The following TUFM variants were observed in gnomAD, a reference collection of about 807,000 sequenced individuals.
TUFM encodes the protein elongation factor Tu, mitochondrial.
A neutral mutation model predicts 45.0 loss-of-function variants in TUFM; 23 were observed. That is an observed-to-expected ratio of 0.51 (90% CI 0.37 to 0.72). The LOEUF (loss-of-function observed/expected upper bound fraction) is 0.72. Among genes scored for constraint, TUFM ranks in the 30% least tolerant of loss-of-function variants. TUFM has a pLI of 0.00. For synonymous variants in TUFM, 243 were observed against 252.9 expected, an observed-to-expected ratio of 0.96 and a Z score of 0.37; for missense variants, 490 against 610.7, an observed-to-expected ratio of 0.80 and a Z score of 2.08.
intron 9 of TUFM, 116 bp downstream of exon 9, chr16:28,843,620 C>T: frequency 6.8e-7 from 1 of 1,462,678 alleles, no homozygotes; most frequent in South Asian, 1.3e-5. Context: ...CAGCCCCTTT[C>T]CACCTAAGGA....
chr16:28,846,310 G>C lies in TUFM; in HGVS notation c.-41C>G, dbSNP rs769119127. The C allele has an allele frequency of 1.3e-6, 2 of 1,543,342 alleles. No homozygotes were observed. The highest frequency in any genetic ancestry group is 2.0e-5 in the Admixed American group (1 of 50,656). On this transcript the variant is annotated 5_prime_UTR_variant, in exon 1 of 10. Transcript: ENST00000313511. ...ACCGGGGAGCCGGGACCAGGAGCCC[G>C]AGCGCACAGAAGAAGAAGGGCGCCT... is the stretch of plus-strand genomic sequence containing the variant.
At chr16:28,845,862 C>G in intron 2 of TUFM, 50 bp downstream of exon 2, 1 of 1,606,812 alleles carries the variant, frequency 6.2e-7, no homozygotes, top group Non-Finnish European at 8.5e-7. Flanking sequence ...TCCCTGGCTC[C>G]AGGTCCCATC....
In TUFM at chr16:28,842,909, A is replaced by G. The variant is rs1596600928; in HGVS notation, c.*66T>C. ...GCCTATGCCATGAGAGGGTACTGGA[A>G]GCAGGAGGGAGCCCTGGCTAGGGCA... On this transcript the variant is annotated 3_prime_UTR_variant, in exon 10 of 10. Coordinates refer to ENST00000313511, the MANE Select transcript of TUFM (RefSeq NM_003321.5). 6.3e-7 allele frequency: 1 copy of G among 1,599,356 alleles called. No individual in the cohort carries two copies. The highest frequency in any genetic ancestry group is 1.7e-5 in the Admixed American group (1 of 60,002).
chr16:28,846,192 C>T (rs1477321156), intron 1 of TUFM, 26 bp downstream of exon 1: 1 of 1,586,312 alleles, frequency 6.3e-7, no homozygotes, highest in East Asian at 2.3e-5. Flanking sequence ...GTTCCTGGGC[C>T]GCCATCGCCC....
Position 28,843,058 on chromosome 16 carries a change from C to G in TUFM, c.1285G>C (p.Asp429His). Residue 429 changes from aspartate (D) to histidine (H), a missense_variant, in exon 10 of 10, where the codon GAT becomes CAT. Transcript: ENST00000313511. ...LEKGQRFTLRDGNRTIGTGLV... is the reference protein window; with the variant it reads ...LEKGQRFTLRHGNRTIGTGLV... Reference sequence around the variant, plus strand: ...CCGGTGCCAATAGTCCGGTTGCCATCTCGCAGGGTGAAACGCTGGCCTTTC... The same window carrying G: ...CCGGTGCCAATAGTCCGGTTGCCATGTCGCAGGGTGAAACGCTGGCCTTTC... 1 of 1,614,246 alleles carries G rather than the reference C, an allele frequency of 6.2e-7. No homozygotes were observed. Among genetic ancestry groups the G allele is most frequent in the Non-Finnish European group, 8.5e-7 (1 of 1,180,052 alleles).
Position 28,844,929 on chromosome 16 carries a change from T to A in TUFM, c.519+22A>T. 1.2e-6 allele frequency: 2 copies of A among 1,614,062 alleles called. No individual in the cohort carries two copies. The highest frequency in any genetic ancestry group is 1.7e-6 in the Non-Finnish European group (2 of 1,180,006). On this transcript the variant is annotated intron_variant, in intron 4 of 9. Transcript: ENST00000313511. This position sits in a 1 kb window ranked among gnomAD's most constrained non-coding sequence, Gnocchi z 5.8. ...CAACTCCCCACTCTTCCCTTTTGCA[T>A]CCTTACCCAGGCTCTGAGTACCTGT...
Position 28,844,946 on chromosome 16 carries a change from A to C in TUFM, c.519+5T>G, listed in dbSNP as rs1470583923. On this transcript the variant is annotated splice_donor_5th_base_variant and intron_variant, in intron 4 of 9. Coordinates refer to ENST00000313511, the MANE Select transcript of TUFM (RefSeq NM_003321.5). The surrounding 1 kb of genome is among the most constrained non-coding windows in gnomAD (Gnocchi z 5.8). ...CTTTTGCATCCTTACCCAGGCTCTGAGTACCTGTCTGGCCAGTAATAAGTG... is the reference window on the plus strand; with the variant it reads ...CTTTTGCATCCTTACCCAGGCTCTGCGTACCTGTCTGGCCAGTAATAAGTG... The C allele has an allele frequency of 6.2e-7, 1 of 1,614,144 alleles. No individual in the cohort carries two copies. The highest frequency in any genetic ancestry group is 1.1e-5 in the South Asian group (1 of 91,082).
rs1279291399 is a variant in TUFM, at chr16:28,846,109, G to C, written c.53-3C>G. On this transcript the variant is annotated splice_polypyrimidine_tract_variant and splice_region_variant and intron_variant, in intron 1 of 9. Transcript: ENST00000313511. ...GAAGGTCCGGCCGGCGGCGAGACCT[G>C]CCGGGACCGAAGCTTGGAGTCAGGC... The C allele has an allele frequency of 1.2e-6, 2 of 1,613,470 alleles. No individual in the cohort carries two copies. Among genetic ancestry groups the C allele is most frequent in the Non-Finnish European group, 1.7e-6 (2 of 1,179,812 alleles).
At chr16:28,845,654 C>G (rs1477506501) in intron 2 of TUFM, among the ~76,000 whole-genome samples, 174 bp from the exon 3 acceptor site, 1 of 152,166 alleles carries the variant, frequency 6.6e-6, no homozygotes, top group Non-Finnish European at 1.5e-5. Context: ...AGGGTCTGCC[C>G]TGTGACTTCT....
intron 3 of TUFM, 99 bp downstream of exon 3, chr16:28,845,215 C>T: frequency 6.2e-7 from 1 of 1,602,354 alleles, no homozygotes; most frequent in Non-Finnish European, 8.5e-7. Flanking sequence ...CATCTCATAC[C>T]CAAACACTGA....
At position 28,842,662 on chromosome 16, in the gene TUFM, C is replaced by T; in HGVS notation, c.*313G>A. On this transcript the variant is annotated 3_prime_UTR_variant, in exon 10 of 10. Transcript: ENST00000313511. Reference sequence around the variant, plus strand: ...TGTGTCTAGGCAATCACTAAGCTCACTGGACTTGATTTATCCGTTAAAACT... The same window carrying T: ...TGTGTCTAGGCAATCACTAAGCTCATTGGACTTGATTTATCCGTTAAAACT... The T allele has an allele frequency of 2.4e-6, 1 of 419,332 alleles. No individual in the cohort carries two copies. Among genetic ancestry groups the T allele is most frequent in the South Asian group, 2.2e-5 (1 of 46,502 alleles). The allele number at this position is 419,332 out of a possible 1,614,324, so 26.0% of individuals were successfully genotyped here.
chr16:28,843,091 T>C lies in TUFM; in HGVS notation c.1252A>G (p.Ile418Val), dbSNP rs529976762. ...GTGAAACGCTGGCCTTTCTCTAAGA[T>C]CATTGGCTGCCGCAAGATTAGGTTG... ...KFNLILRQPMILEKGQRFTLR... is the reference protein window; with the variant it reads ...KFNLILRQPMVLEKGQRFTLR... Residue 418 changes from isoleucine (I) to valine (V), a missense_variant, in exon 10 of 10, where the codon ATC becomes GTC. Physicochemically the swap from Ile to Val is conservative, Grantham distance 29 (BLOSUM62 3). Coordinates refer to ENST00000313511, the MANE Select transcript of TUFM (RefSeq NM_003321.5). 17 of 1,614,186 alleles carry C rather than the reference T, an allele frequency of 1.1e-5. No homozygotes were observed. In the South Asian group the frequency reaches 1.8e-4, roughly 17 times the overall value.
Position 28,845,066 on chromosome 16 carries a change from GAAGGA to G in TUFM, c.415-16_415-12del, listed in dbSNP as rs767863628. The G allele has an allele frequency of 1.2e-6, 2 of 1,613,762 alleles. No homozygotes were observed. Among genetic ancestry groups the G allele is most frequent in the Non-Finnish European group, 8.5e-7 (1 of 1,179,830 alleles). The stretch of plus-strand genomic sequence containing the variant: ...GCCTGTGATCATATTCTGGAGAGGA[GAAGGA>G]AAGGAAACAGCCAAGTTCAACGAGC... On this transcript the variant is annotated splice_polypyrimidine_tract_variant and intron_variant, in intron 3 of 9. Coordinates refer to ENST00000313511, the MANE Select transcript of TUFM (RefSeq NM_003321.5).
intron 9 of TUFM, 93 bp downstream of exon 9, chr16:28,843,643 C>T (rs1460343326): frequency 3.2e-6 from 5 of 1,563,700 alleles, no homozygotes; most frequent in South Asian, 1.2e-5. Context: ...TAAAGCCACT[C>T]GGGTTGTCAC....
chr16:28,845,478 G>A lies in TUFM; in HGVS notation c.250C>T (p.Leu84=). 1.2e-6 allele frequency: 2 copies of A among 1,614,108 alleles called. No homozygotes were observed. The highest frequency in any genetic ancestry group is 2.2e-5 in the South Asian group (2 of 91,084). Residue 84 remains leucine, a splice_region_variant and synonymous_variant, in exon 3 of 10, where the codon CTA becomes TTA. Transcript: ENST00000313511. ...TTLTAAITKI[L]AEGGGAKFKK... is the part of the protein sequence containing the mutation. ...AACTTAGCCCCACCTCCCTCAGCTA[G>A]AACTAAAGGAGGAAAAGAACACACC...
Position 28,846,294 on chromosome 16 carries a change from C to A in TUFM, c.-25G>T. The stretch of plus-strand genomic sequence containing the variant: ...TACTCGCGCCCCGGTAACCGGGGAG[C>A]CGGGACCAGGAGCCCGAGCGCACAG... On this transcript the variant is annotated 5_prime_UTR_variant, in exon 1 of 10. Transcript: ENST00000313511. 1.3e-6 allele frequency: 2 copies of A among 1,549,048 alleles called. No individual in the cohort carries two copies. The highest frequency in any genetic ancestry group is 1.7e-6 in the Non-Finnish European group (2 of 1,144,988).
Position 28,845,425 on chromosome 16 carries a change from G to A in TUFM, c.303C>T (p.Ala101=), listed in dbSNP as rs764135053. Reference sequence around the variant, plus strand: ...TGATACCCCGAGCTCGCTCCTCCGGGGCATTGTCAATCTCCTCGTACTTCT... The same window carrying A: ...TGATACCCCGAGCTCGCTCCTCCGGAGCATTGTCAATCTCCTCGTACTTCT... The part of the protein sequence containing the change: ...KFKKYEEIDN[A]PEERARGITI... The change falls in exon 3 of 10, where the codon GCC becomes GCT. Residue 101 remains alanine, a synonymous_variant. Coordinates refer to ENST00000313511, the MANE Select transcript of TUFM (RefSeq NM_003321.5). 1.3e-5 allele frequency: 21 copies of A among 1,614,086 alleles called. No individual in the cohort carries two copies. Among genetic ancestry groups the A allele is most frequent in the Non-Finnish European group, 1.7e-5 (20 of 1,180,024 alleles).
Position 28,844,945 on chromosome 16 carries a change from G to A in TUFM, c.519+6C>T. ...CCTTTTGCATCCTTACCCAGGCTCTGAGTACCTGTCTGGCCAGTAATAAGT... is the reference window on the plus strand; with the variant it reads ...CCTTTTGCATCCTTACCCAGGCTCTAAGTACCTGTCTGGCCAGTAATAAGT... On this transcript the variant is annotated splice_donor_region_variant and intron_variant, in intron 4 of 9. Transcript: ENST00000313511. This position sits in a 1 kb window ranked among gnomAD's most constrained non-coding sequence, Gnocchi z 5.8. 1 of 1,614,172 alleles carries A rather than the reference G, an allele frequency of 6.2e-7. No homozygotes were observed. Among genetic ancestry groups the A allele is most frequent in the East Asian group, 2.2e-5 (1 of 44,878 alleles).
At chr16:28,845,605 A>G in intron 2 of TUFM, 125 bp from the exon 3 acceptor site, 1 of 1,253,920 alleles carries the variant, frequency 8.0e-7, no homozygotes, top group Non-Finnish European at 1.1e-6. Context: ...CTTCCAGCAG[A>G]GAGAACTGTG....
Sources: gnomAD v4.1 joint callset for allele counts (sites outside exome capture counted in the v4.1 genomes callset) on GRCh38, gnomAD v4.1.1 for gene constraint, Gnocchi (gnomAD v3.1) non-coding constraint, MANE v1.5 for transcripts, NCBI Gene and HGNC (gene_info 2026-07-23, HGNC 2026-07-21) for gene names.